The following ZNF680 variants were observed in gnomAD, a reference collection of about 807,000 sequenced individuals.
ZNF680 encodes hypothetical protein FLJ90430.
A neutral mutation model predicts 12.1 loss-of-function variants in ZNF680; 6 were observed. That is an observed-to-expected ratio of 0.49 (90% CI 0.27 to 0.98). The LOEUF (loss-of-function observed/expected upper bound fraction) is 0.98. Among genes scored for constraint, ZNF680 ranks in the 50% least tolerant of loss-of-function variants. The pLI, the probability that ZNF680 is intolerant of heterozygous loss-of-function variation, is 0.12. For missense variants in ZNF680, 561 were observed against 616.3 expected (o/e 0.91, Z 0.95); for synonymous variants, 170 against 199.3 (o/e 0.85, Z 1.24).
At chr7:64,533,701 C>T (rs1299542650) in intron 3 of ZNF680, among the ~76,000 whole-genome samples, 1 of 152,012 alleles carries the variant, frequency 6.6e-6, no homozygotes, top group Non-Finnish European at 1.5e-5. Context: ...AAAGAGCCCA[C>T]ATAGCCAAAG....
chr7:64,533,034 C>T (rs1470023096), intron 3 of ZNF680, among the ~76,000 whole-genome samples: 1 of 152,132 alleles, frequency 6.6e-6, no homozygotes, highest in Non-Finnish European at 1.5e-5. Flanking sequence ...TAATAAAAGT[C>T]ATCTATGACA....
chr7:64,514,601 A>G, the ZNF680 span, among the ~76,000 whole-genome samples: 1 of 152,138 alleles, frequency 6.6e-6, no homozygotes, highest in Non-Finnish European at 1.5e-5. Context: ...ACTCATATTT[A>G]TAAATGTCAA....
intron 3 of ZNF680, among the ~76,000 whole-genome samples, chr7:64,537,803 G>A (rs907511035): frequency 2.6e-5 from 4 of 152,124 alleles, no homozygotes; most frequent in East Asian, 3.9e-4. Flanking sequence ...GGTGGCGGGC[G>A]CCTGTAGTCC....
At chr7:64,501,128 C>A in the ZNF680 span, 1 of 958,716 alleles carries the variant, frequency 1.0e-6, no homozygotes, top group Non-Finnish European at 1.7e-6. Flanking sequence ...TGATCTGCAG[C>A]GATGTATGGG....
intron 1 of ZNF680, among the ~76,000 whole-genome samples, chr7:64,558,491 C>T (rs894144595): frequency 2.6e-5 from 4 of 152,184 alleles, no homozygotes; most frequent in African/African-American, 9.6e-5. Context: ...TTCTAGGGAG[C>T]CTCCCCTGCA....
chr7:64,518,932 G>C (rs1791409963), downstream of ZNF680, among the ~76,000 whole-genome samples: 1 of 151,988 alleles, frequency 6.6e-6, no homozygotes, highest in Non-Finnish European at 1.5e-5. Context: ...CATTTGCTTA[G>C]GCAAAGACTT....
chr7:64,549,482 T>C (rs995304028), intron 1 of ZNF680, among the ~76,000 whole-genome samples: 4 of 152,190 alleles, frequency 2.6e-5, no homozygotes, highest in Admixed American at 2.6e-4. Flanking sequence ...ATGCCTCCTG[T>C]TGGTTTTCTG....
the ZNF680 span, chr7:64,501,483 A>C: frequency 1.2e-6 from 1 of 848,492 alleles, no homozygotes; most frequent in Non-Finnish European, 2.0e-6. Context: ...AAAGGAACAG[A>C]GCAAACAAGC....
intron 3 of ZNF680, among the ~76,000 whole-genome samples, chr7:64,523,499 A>G (rs1791656829): frequency 6.6e-6 from 1 of 152,160 alleles, no homozygotes; most frequent in Non-Finnish European, 1.5e-5. Context: ...AGAATCAAAT[A>G]AAACAATAAA....
At chr7:64,536,429 G>A (rs1786173100) in intron 3 of ZNF680, among the ~76,000 whole-genome samples, 1 of 152,202 alleles carries the variant, frequency 6.6e-6, no homozygotes, top group South Asian at 2.1e-4. Flanking sequence ...ATATCACATG[G>A]TAAGAGACAG....
the ZNF680 span, among the ~76,000 whole-genome samples, chr7:64,507,865 ACACACACACACAC>A: frequency 2.4e-3 from 170 of 71,458 alleles, 1 homozygote; most frequent in African/African-American, 8.4e-3. Flanking sequence ...ACACACACAC[ACACACACACACAC>A]ATTTTTTTAT....
intron 3 of ZNF680, among the ~76,000 whole-genome samples, chr7:64,533,191 A>C (rs1785978980): frequency 6.6e-6 from 1 of 152,200 alleles, no homozygotes; most frequent in Admixed American, 6.5e-5. Context: ...AAGAGAAATA[A>C]AGGGCATCCA....
rs541233331 is a variant in ZNF680, at chr7:64,563,031, C to T, written c.-77G>A. 4 of 1,557,394 alleles carry T rather than the reference C, an allele frequency of 2.6e-6. No homozygotes were observed. The East Asian group carries it at 9.0e-5, about 35-fold the overall frequency. The stretch of plus-strand genomic sequence containing the variant: ...GCCTCTAGGAGCAGAATACACAGAG[C>T]AGTAAAGACTAGACCTGGAGCTCCC... On this transcript the variant is annotated 5_prime_UTR_variant, in exon 1 of 4. Coordinates refer to ENST00000309683, the MANE Select transcript of ZNF680 (RefSeq NM_178558.5).
At chr7:64,536,140 A>G (rs1226215857) in intron 3 of ZNF680, among the ~76,000 whole-genome samples, 1 of 152,206 alleles carries the variant, frequency 6.6e-6, no homozygotes, top group African/African-American at 2.4e-5. Flanking sequence ...GTGAAGAAAG[A>G]AATACATAGC....
At chr7:64,562,742 C>A (rs1192712999) in intron 1 of ZNF680, among the ~76,000 whole-genome samples, 183 bp downstream of exon 1, 2 of 152,182 alleles carry the variant, frequency 1.3e-5, no homozygotes, top group East Asian at 3.9e-4. Flanking sequence ...CGCCCGGGGT[C>A]CGGCTGTCAG....
the ZNF680 span, among the ~76,000 whole-genome samples, chr7:64,505,425 CTATT>C: frequency 1.1e-4 from 16 of 152,170 alleles, no homozygotes; most frequent in South Asian, 4.1e-4. Flanking sequence ...ATTGTAAAAA[CTATT>C]TAAATAATTA....
At chr7:64,560,645 C>CT (rs1247162611) in intron 1 of ZNF680, among the ~76,000 whole-genome samples, 1 of 152,010 alleles carries the variant, frequency 6.6e-6, no homozygotes, top group East Asian at 1.9e-4. Flanking sequence ...AACCTCATCC[C>CT]TACTAAAAAT....
chr7:64,512,290 A>G, the ZNF680 span, among the ~76,000 whole-genome samples: 4 of 151,034 alleles, frequency 2.6e-5, no homozygotes, highest in Admixed American at 2.6e-4. Flanking sequence ...TCTACTAAAA[A>G]AAAAATACAA....
At chr7:64,524,859 A>T (rs927904687) in intron 3 of ZNF680, 1 of 152,210 alleles carries the variant, frequency 6.6e-6, no homozygotes, top group Non-Finnish European at 1.5e-5. Flanking sequence ...AGTATAGAAC[A>T]GTAAGAAGAA....
Sources: gnomAD v4.1 joint callset for allele counts (sites outside exome capture counted in the v4.1 genomes callset) on GRCh38, gnomAD v4.1.1 for gene constraint, MANE v1.5 for transcripts, NCBI Gene and HGNC (gene_info 2026-07-23, HGNC 2026-07-21) for gene names.